Variants in RIPOR3 observed in about 807,000 individuals in gnomAD.
The protein encoded by RIPOR3 is RIPOR family member 3.
A neutral mutation model predicts 114.3 loss-of-function variants in RIPOR3; 95 were observed. The observed-to-expected ratio is 0.83, with a 90% CI of 0.70 to 0.99. The LOEUF (loss-of-function observed/expected upper bound fraction) is 0.99, where lower values mean the gene tolerates loss of function less well. RIPOR3 is among the 50% of genes least tolerant of loss of function. RIPOR3 has a pLI of 0.00. For synonymous variants in RIPOR3, 575 were observed against 543.8 expected (o/e 1.06, Z -0.80); for missense variants, 1,252 against 1,266.9 (o/e 0.99, Z 0.18).
chr20:50,602,276 C>G lies in RIPOR3; in HGVS notation c.1455G>C (p.Gln485His). ...CTGTGCCGCTGTGGAACAGGGAGCCCTGTGGCAGGCTGGGGCTCTCCCCTC... is the reference window on the plus strand; with the variant it reads ...CTGTGCCGCTGTGGAACAGGGAGCCGTGTGGCAGGCTGGGGCTCTCCCCTC... ...NLGGESPSLPQGSLFHSGTAS... is the reference protein window; with the variant it reads ...NLGGESPSLPHGSLFHSGTAS... Residue 485 changes from glutamine to histidine, a missense_variant, in exon 13 of 22, where the codon CAG (glutamine) becomes CAC (histidine). Physicochemically the swap from Gln to His is conservative, Grantham distance 24. Transcript: ENST00000327979. The surrounding 1 kb of genome is among the most constrained non-coding windows in gnomAD (Gnocchi z 4.3). 6.2e-7 allele frequency: 1 copy of G among 1,613,944 alleles called. No individual in the cohort carries two copies. The highest frequency in any genetic ancestry group is 1.7e-4 in the Middle Eastern group (1 of 6,060).
chr20:50,640,960 A>T (rs1343976121), intron 1 of RIPOR3, among the ~76,000 whole-genome samples: 50 of 137,676 alleles, frequency 3.6e-4, no homozygotes, highest in African/African-American at 1.3e-3. Flanking sequence ...CCCAGGCTGG[A>T]GTGCAATGGC....
At chr20:50,637,564 TA>T (rs1255491503) in intron 1 of RIPOR3, among the ~76,000 whole-genome samples, 2 of 152,150 alleles carry the variant, frequency 1.3e-5, no homozygotes, top group East Asian at 1.9e-4. Context: ...TCTGTCTTTT[TA>T]AAAAAAAGTT....
At chr20:50,604,366 C>T (rs1024543907) in intron 12 of RIPOR3, among the ~76,000 whole-genome samples, 51 of 152,222 alleles carry the variant, frequency 3.4e-4, no homozygotes, top group Admixed American at 1.3e-4. Context: ...CTACTAGAAA[C>T]GTATATATTA....
rs1034311631 is a variant in RIPOR3, at chr20:50,601,213, C to T, written c.1659+859G>A. Among the ~76,000 whole-genome samples the T allele has an allele frequency of 7.2e-5, 11 of 152,282 alleles. No homozygotes were observed. In the East Asian group the frequency reaches 1.2e-3, roughly 16 times the overall value. The stretch of plus-strand genomic sequence containing the variant: ...CTTTGGGAGGCTGAGGCAGGCGGAT[C>T]ACTTGAGGTCAGGAGTTTGAGACCA... On this transcript the variant is annotated intron_variant, in intron 13 of 21. Coordinates refer to ENST00000327979, the MANE Select transcript of RIPOR3 (RefSeq NM_001290268.2).
chr20:50,683,942 G>A (rs939533915), intron 1 of RIPOR3, among the ~76,000 whole-genome samples: 1 of 151,924 alleles, frequency 6.6e-6, no homozygotes, highest in Non-Finnish European at 1.5e-5. Context: ...TTAGTTAAGC[G>A]TGGTAGTGTG....
At chr20:50,630,257 C>T (rs868275950) in intron 2 of RIPOR3, among the ~76,000 whole-genome samples, 31 of 152,148 alleles carry the variant, frequency 2.0e-4, no homozygotes, top group South Asian at 6.2e-4. Flanking sequence ...CATGAGCCAC[C>T]GTGCCCAGCC....
intron 6 of RIPOR3, 123 bp downstream of exon 6, chr20:50,610,730 C>G: frequency 7.7e-7 from 1 of 1,302,196 alleles, no homozygotes; most frequent in Non-Finnish European, 1.1e-6. Flanking sequence ...CCTGCAGCTG[C>G]CCCATACCCA....
chr20:50,621,315 G>A (rs1343228249), intron 2 of RIPOR3, among the ~76,000 whole-genome samples: 4 of 152,184 alleles, frequency 2.6e-5, no homozygotes, highest in Non-Finnish European at 5.9e-5. Context: ...TACCTGCCCA[G>A]CATCCATCCC....
intron 1 of RIPOR3, among the ~76,000 whole-genome samples, chr20:50,679,679 G>T (rs1033980543): frequency 6.7e-6 from 1 of 150,196 alleles, no homozygotes; most frequent in African/African-American, 2.4e-5. Context: ...TGAGGCAGGA[G>T]AATCACTTGA....
chr20:50,675,508 C>T (rs2086650836), intron 1 of RIPOR3, among the ~76,000 whole-genome samples: 1 of 152,196 alleles, frequency 6.6e-6, no homozygotes, highest in African/African-American at 2.4e-5. Flanking sequence ...TTTGGTCTAT[C>T]TGGTCTAAAG....
intron 1 of RIPOR3, chr20:50,662,396 G>A (rs1385483970): frequency 6.6e-6 from 1 of 152,486 alleles, no homozygotes; most frequent in Non-Finnish European, 1.5e-5. Context: ...CTGAGGTCCA[G>A]GGAGGTTCAG....
chr20:50,685,617 AG>A (rs2086991075), intron 1 of RIPOR3, among the ~76,000 whole-genome samples: 1 of 143,454 alleles, frequency 7.0e-6, no homozygotes. Flanking sequence ...TGAGGTCAGG[AG>A]TTTGAGACCA....
At chr20:50,609,493 C>T (rs1372101697) in intron 7 of RIPOR3, 80 bp downstream of exon 7, 10 of 1,450,548 alleles carry the variant, frequency 6.9e-6, no homozygotes, top group Non-Finnish European at 9.1e-6. Flanking sequence ...CCAGCCCCCA[C>T]TGGCCCAGCT....
chr20:50,691,100 A>G (rs539588228), intron 1 of RIPOR3, 26 bp downstream of exon 1: 2 of 1,289,338 alleles, frequency 1.6e-6, no homozygotes. Context: ...CACGGCACAC[A>G]TGGGGAGCAG....
At chr20:50,666,943 A>T (rs1212957082) in intron 1 of RIPOR3, among the ~76,000 whole-genome samples, 1 of 152,176 alleles carries the variant, frequency 6.6e-6, no homozygotes, top group East Asian at 1.9e-4. Flanking sequence ...GTCTTATGTG[A>T]TAAGGTGACC....
intron 1 of RIPOR3, among the ~76,000 whole-genome samples, chr20:50,677,250 C>G (rs2086702665): frequency 6.6e-6 from 1 of 152,050 alleles, no homozygotes; most frequent in African/African-American, 2.4e-5. Context: ...TTTCTCACAC[C>G]AGCTTATATT....
chr20:50,654,259 C>T (rs753421444), intron 1 of RIPOR3, among the ~76,000 whole-genome samples: 2 of 150,038 alleles, frequency 1.3e-5, no homozygotes, highest in Non-Finnish European at 3.0e-5. Context: ...CTCCACCTCC[C>T]GGGTTCAAGT....
chr20:50,640,353 C>T (rs375247844), intron 1 of RIPOR3, among the ~76,000 whole-genome samples: 15 of 151,214 alleles, frequency 9.9e-5, no homozygotes, highest in South Asian at 8.4e-4. Context: ...GAGCCGAGAC[C>T]TGCCTGAGAC....
chr20:50,656,778 G>A (rs551211087), intron 1 of RIPOR3, among the ~76,000 whole-genome samples: 11 of 152,290 alleles, frequency 7.2e-5, no homozygotes, highest in African/African-American at 1.2e-4. Flanking sequence ...GATTACAGGC[G>A]TGAGCTACCG....
Sources: allele counts gnomAD v4.1 joint callset (sites outside exome capture counted in the v4.1 genomes callset), GRCh38; gene constraint gnomAD v4.1.1; non-coding constraint Gnocchi (gnomAD v3.1); transcripts MANE v1.5; gene names NCBI Gene and HGNC (gene_info 2026-07-23, HGNC 2026-07-21).